The following UBE2D2 variants were observed in gnomAD, a reference collection of about 807,000 sequenced individuals.
UBE2D2 encodes ubiquitin conjugating enzyme E2 D2.
Under a neutral mutation model 24.2 loss-of-function variants are expected in UBE2D2, and 2 were observed. The observed-to-expected ratio is 0.08, with a 90% CI of 0.03 to 0.26. The LOEUF is 0.26. Among genes scored for constraint, UBE2D2 ranks in the 10% least tolerant of loss-of-function variants. The probability of loss-of-function intolerance (pLI) is 1.00; values close to 1 mark genes in which losing one functional copy is unlikely to be tolerated. For synonymous variants in UBE2D2, 58 were observed against 56.5 expected, an observed-to-expected ratio of 1.03 and a Z score of -0.12; for missense variants, 44 against 177.6, an observed-to-expected ratio of 0.25 and a Z score of 4.28.
At chr5:139,563,197 AGATT>A (rs776835188) in intron 1 of UBE2D2, among the ~76,000 whole-genome samples, 3 of 152,204 alleles carry the variant, frequency 2.0e-5, no homozygotes, top group African/African-American at 7.2e-5. Flanking sequence ...GTCAGAATAC[AGATT>A]GATGATTTAA....
chr5:139,577,404 C>CTTTTTTTT (rs869189901), intron 1 of UBE2D2, among the ~76,000 whole-genome samples: 3 of 69,104 alleles, frequency 4.3e-5, no homozygotes, highest in Non-Finnish European at 5.4e-5. Flanking sequence ...TAGCATCTCT[C>CTTTTTTTT]TTTTTTTTTT....
At chr5:139,619,699 C>A (rs1754479070) in intron 5 of UBE2D2, among the ~76,000 whole-genome samples, 1 of 152,032 alleles carries the variant, frequency 6.6e-6, no homozygotes, top group Non-Finnish European at 1.5e-5. Context: ...CCCATCTCTA[C>A]CAAAAATACA....
At position 139,627,655 on chromosome 5, in the gene UBE2D2, CTG is replaced by C. The variant is rs1464206239; in HGVS notation, c.*858_*859del. On this transcript the variant is annotated 3_prime_UTR_variant, in exon 7 of 7. Coordinates refer to ENST00000398733, the MANE Select transcript of UBE2D2 (RefSeq NM_003339.3). The stretch of plus-strand genomic sequence containing the variant: ...GCTTGTACTTTCAAGAATGATTAAT[CTG>C]TGTAATAAACTGGTTACTACAGTCA... 5 of 152,632 alleles carry C rather than the reference CTG, an allele frequency of 3.3e-5. No individual in the cohort carries two copies. Among genetic ancestry groups the C allele is most frequent in the Admixed American group, 6.5e-5 (1 of 15,290 alleles). 9.5% of individuals were successfully genotyped at this position (152,632 alleles called of 1,614,324 possible). A position where few individuals can be genotyped will look rare whatever the true frequency, so the allele number is the denominator to read the frequency against.
chr5:139,626,135 C>T (rs1472495914), intron 6 of UBE2D2, among the ~76,000 whole-genome samples: 2 of 151,834 alleles, frequency 1.3e-5, no homozygotes, highest in African/African-American at 4.8e-5. Context: ...GTATTGCAAT[C>T]TCAGCTCACT....
At chr5:139,556,732 C>T (rs1438954909), upstream of UBE2D2, among the ~76,000 whole-genome samples, 2 of 151,778 alleles carry the variant, frequency 1.3e-5, no homozygotes, top group African/African-American at 4.8e-5. Context: ...TTATGAGTAA[C>T]TTTATTCTAA....
At chr5:139,563,892 G>A (rs1753162713) in intron 1 of UBE2D2, among the ~76,000 whole-genome samples, 1 of 151,638 alleles carries the variant, frequency 6.6e-6, no homozygotes, top group Non-Finnish European at 1.5e-5. Flanking sequence ...CCGAGATCGC[G>A]CCACTGCACT....
chr5:139,574,995 T>C (rs1413911269), intron 1 of UBE2D2, among the ~76,000 whole-genome samples: 1 of 152,180 alleles, frequency 6.6e-6, no homozygotes, highest in African/African-American at 2.4e-5. Flanking sequence ...AACTCAGATA[T>C]CCATCATTAG....
intron 1 of UBE2D2, among the ~76,000 whole-genome samples, chr5:139,536,732 C>T (rs968048626): frequency 6.6e-6 from 1 of 152,078 alleles, no homozygotes; most frequent in Non-Finnish European, 1.5e-5. Flanking sequence ...TCATGTGATC[C>T]ACCCACCTCA....
chr5:139,626,669 T>C, intron 6 of UBE2D2, 87 bp from the exon 7 acceptor site: 2 of 1,137,402 alleles, frequency 1.8e-6, no homozygotes, highest in Non-Finnish European at 2.7e-6. Context: ...GCTACTCTCT[T>C]CAAGTTACTT....
chr5:139,562,369 A>C (rs756633775), intron 1 of UBE2D2: 1 of 1,335,022 alleles, frequency 7.5e-7, no homozygotes, highest in South Asian at 1.2e-5. Flanking sequence ...GCTTGTCCAG[A>C]AACTGTTAAG....
intron 1 of UBE2D2, among the ~76,000 whole-genome samples, chr5:139,584,795 A>G (rs1453304370): frequency 6.6e-6 from 1 of 151,624 alleles, no homozygotes; most frequent in Non-Finnish European, 1.5e-5. Context: ...GGCCTCCCAA[A>G]GTGTTGGGAT....
intron 1 of UBE2D2, among the ~76,000 whole-genome samples, chr5:139,564,464 TTTTTTTGGAGAC>T (rs910761978): frequency 1.3e-5 from 2 of 151,764 alleles, no homozygotes; most frequent in Non-Finnish European, 2.9e-5. Context: ...TGAACTTTTT[TTTTTTTGGAGAC>T]GGAGTCTCCC....
chr5:139,605,645 T>TA (rs1307313040), intron 2 of UBE2D2, among the ~76,000 whole-genome samples: 1 of 149,858 alleles, frequency 6.7e-6, no homozygotes, highest in Non-Finnish European at 1.5e-5. Flanking sequence ...GCTGAAGATT[T>TA]AATGGCCATA....
intron 1 of UBE2D2, among the ~76,000 whole-genome samples, chr5:139,584,135 T>G (rs1481437719): frequency 6.6e-6 from 1 of 152,200 alleles, no homozygotes; most frequent in Non-Finnish European, 1.5e-5. Context: ...TCATGATGAG[T>G]GCCCTATAGA....
chr5:139,586,824 T>C (rs1753735582), intron 1 of UBE2D2, among the ~76,000 whole-genome samples: 1 of 152,236 alleles, frequency 6.6e-6, no homozygotes, highest in South Asian at 2.1e-4. Context: ...TGTTTTATGT[T>C]AGGGTAATCA....
rs182691667 is a variant in UBE2D2, at chr5:139,567,779, C to G, written c.24+5964C>G. On this transcript the variant is annotated intron_variant, in intron 1 of 6. Transcript: ENST00000398733. Reference sequence around the variant, plus strand: ...AAACTCCTGACCTCCAGTGATCCACCCGCCTCGACCTCCCAAAGTGCTGGG... The same window carrying G: ...AAACTCCTGACCTCCAGTGATCCACGCGCCTCGACCTCCCAAAGTGCTGGG... Among the ~76,000 whole-genome samples, 1,038 of 152,144 alleles carry G rather than the reference C, an allele frequency of 6.8e-3. 17 individuals carry two copies. The highest frequency in any genetic ancestry group is 0.024 in the African/African-American group (999 of 41,520).
At chr5:139,587,104 G>A (rs1471509100) in intron 1 of UBE2D2, among the ~76,000 whole-genome samples, 6 of 152,094 alleles carry the variant, frequency 3.9e-5, no homozygotes, top group African/African-American at 9.7e-5. Flanking sequence ...TGGAATCTTC[G>A]GCCATGCTGT....
At chr5:139,624,598 C>T (rs1754577079) in intron 6 of UBE2D2, among the ~76,000 whole-genome samples, 1 of 152,214 alleles carries the variant, frequency 6.6e-6, no homozygotes, top group Non-Finnish European at 1.5e-5. Flanking sequence ...CCAGCCTGGC[C>T]AACGGGGTGA....
At chr5:139,537,963 CA>C (rs200505310) in intron 1 of UBE2D2, among the ~76,000 whole-genome samples, 58,520 of 132,138 alleles carry the variant, frequency 0.44, 14,288 homozygotes, top group African/African-American at 0.72. Flanking sequence ...GACTCCGTCT[CA>C]AAAAAAAAAA....
Sources: gnomAD v4.1 joint callset for allele counts (sites outside exome capture counted in the v4.1 genomes callset) on GRCh38, gnomAD v4.1.1 for gene constraint, MANE v1.5 for transcripts, NCBI Gene and HGNC (gene_info 2026-07-23, HGNC 2026-07-21) for gene names.